Variants in SNX24 observed in about 807,000 individuals in gnomAD.
SNX24 encodes sorting nexin-24.
Under a neutral mutation model 28.7 loss-of-function variants are expected in SNX24, and 22 were observed. That is an observed-to-expected ratio of 0.77 (90% CI 0.55 to 1.10). SNX24 has a LOEUF of 1.10. Among genes scored for constraint, SNX24 ranks in the 50% least tolerant of loss-of-function variants. The probability of loss-of-function intolerance (pLI) is 0.00; values close to 1 mark genes in which losing one functional copy is unlikely to be tolerated. For synonymous variants in SNX24, 69 were observed against 71.5 expected (o/e 0.96, Z 0.18); for missense variants, 221 against 201.1 (o/e 1.10, Z -0.60).
At chr5:122,930,939 G>A (rs771498723) in intron 1 of SNX24, among the ~76,000 whole-genome samples, 4 of 152,042 alleles carry the variant, frequency 2.6e-5, no homozygotes, top group South Asian at 2.1e-4. Context: ...GAATCATGTC[G>A]TTTTGTTAAA....
At chr5:122,866,567 C>G (rs1389884151) in intron 1 of SNX24, among the ~76,000 whole-genome samples, 2 of 152,198 alleles carry the variant, frequency 1.3e-5, no homozygotes, top group Non-Finnish European at 2.9e-5. Flanking sequence ...CCTGAAGGGT[C>G]TGGGCTATTA....
chr5:122,951,104 A>G (rs895926646), intron 3 of SNX24, among the ~76,000 whole-genome samples: 14 of 151,850 alleles, frequency 9.2e-5, no homozygotes, highest in Non-Finnish European at 1.6e-4. Flanking sequence ...CATCTCTACT[A>G]AAAATACAAA....
intron 1 of SNX24, among the ~76,000 whole-genome samples, chr5:122,845,939 G>T (rs570710596): frequency 2.0e-5 from 3 of 152,204 alleles, no homozygotes; most frequent in African/African-American, 7.2e-5. Flanking sequence ...CGGACGAGCT[G>T]CAGTCCTCGG....
At chr5:122,926,468 G>A (rs1758698741) in intron 1 of SNX24, among the ~76,000 whole-genome samples, 2 of 152,206 alleles carry the variant, frequency 1.3e-5, no homozygotes, top group Admixed American at 1.3e-4. Flanking sequence ...AGACACTTCA[G>A]ATTTACACAT....
chr5:122,930,794 C>T (rs1758919731), intron 1 of SNX24, among the ~76,000 whole-genome samples: 1 of 149,580 alleles, frequency 6.7e-6, no homozygotes, highest in East Asian at 1.9e-4. Context: ...CATATCAATA[C>T]ACACACACAT....
intron 1 of SNX24, among the ~76,000 whole-genome samples, chr5:122,924,919 G>A (rs921997594): frequency 2.6e-5 from 4 of 151,840 alleles, no homozygotes; most frequent in Non-Finnish European, 4.4e-5. Flanking sequence ...TTATTAAGAC[G>A]GGTAGTTTCT....
At chr5:123,002,119 G>T (rs1196151911) in intron 6 of SNX24, 115 bp downstream of exon 6, 3 of 828,020 alleles carry the variant, frequency 3.6e-6, no homozygotes, top group Non-Finnish European at 6.3e-6. Context: ...TTAATAATCT[G>T]CCAATAAACC....
intron 3 of SNX24, among the ~76,000 whole-genome samples, chr5:122,997,876 T>G (rs1219774320): frequency 6.5e-5 from 3 of 46,140 alleles, no homozygotes; most frequent in Non-Finnish European, 1.8e-4. Flanking sequence ...CTGCATGTGT[T>G]ACAAATTAGG....
chr5:122,952,802 C>G (rs1418295987), intron 3 of SNX24, among the ~76,000 whole-genome samples: 1 of 152,172 alleles, frequency 6.6e-6, no homozygotes, highest in Non-Finnish European at 1.5e-5. Flanking sequence ...CATGAGAGTT[C>G]TTAGAATTAA....
At chr5:122,867,416 G>A (rs1755770872) in intron 1 of SNX24, among the ~76,000 whole-genome samples, 1 of 152,156 alleles carries the variant, frequency 6.6e-6, no homozygotes, top group South Asian at 2.1e-4. Flanking sequence ...TTTCATGATG[G>A]AAGCAATCCA....
At chr5:122,946,647 C>T (rs765573689) in intron 3 of SNX24, among the ~76,000 whole-genome samples, 5 of 152,032 alleles carry the variant, frequency 3.3e-5, no homozygotes, top group African/African-American at 9.7e-5. Context: ...TTTGAAAATT[C>T]GAATGTCAAT....
At chr5:122,849,844 G>T (rs1281832432) in intron 1 of SNX24, among the ~76,000 whole-genome samples, 1 of 152,204 alleles carries the variant, frequency 6.6e-6, no homozygotes, top group East Asian at 1.9e-4. Flanking sequence ...GTACATGTCT[G>T]TTGAATGAAT....
chr5:122,944,781 T>C (rs1032647711), intron 2 of SNX24, among the ~76,000 whole-genome samples: 3 of 152,212 alleles, frequency 2.0e-5, no homozygotes, highest in African/African-American at 7.2e-5. Context: ...AATATACTCT[T>C]ACATATGGAA....
At chr5:122,914,958 G>A (rs1280127569) in intron 1 of SNX24, among the ~76,000 whole-genome samples, 1 of 152,098 alleles carries the variant, frequency 6.6e-6, no homozygotes, top group Non-Finnish European at 1.5e-5. Context: ...TTTTCCTTAG[G>A]TCCAGTTGAG....
At chr5:122,913,398 C>CA (rs1757990766) in intron 1 of SNX24, among the ~76,000 whole-genome samples, 1 of 150,882 alleles carries the variant, frequency 6.6e-6, no homozygotes. Context: ...GGGTGGCTGA[C>CA]CCCCCACCTC....
intron 1 of SNX24, among the ~76,000 whole-genome samples, chr5:122,925,652 T>C (rs1038529910): frequency 6.6e-6 from 1 of 152,192 alleles, no homozygotes; most frequent in African/African-American, 2.4e-5. Flanking sequence ...CCCTATCTTA[T>C]ATTGCACAGT....
intron 3 of SNX24, among the ~76,000 whole-genome samples, chr5:122,978,817 G>T (rs1213123603): frequency 6.6e-6 from 1 of 152,188 alleles, no homozygotes; most frequent in Admixed American, 6.5e-5. Context: ...ATAAGGCAGA[G>T]CTGAGAAAGA....
intron 3 of SNX24, among the ~76,000 whole-genome samples, chr5:122,997,228 C>G (rs1762079378): frequency 6.6e-6 from 1 of 152,180 alleles, no homozygotes; most frequent in Non-Finnish European, 1.5e-5. Flanking sequence ...AATATTCCTG[C>G]CCACATAACT....
chr5:123,009,012 C>T lies in SNX24; in HGVS notation c.*1263C>T, dbSNP rs926142161. 5 of 985,464 alleles carry T rather than the reference C, an allele frequency of 5.1e-6. No homozygotes were observed. The African/African-American group carries it at 8.7e-5, about 17-fold the overall frequency. 61.0% of individuals were successfully genotyped at this position (985,464 alleles called of 1,614,324 possible). A position where few individuals can be genotyped will look rare whatever the true frequency, so the allele number is the denominator to read the frequency against. On this transcript the variant is annotated 3_prime_UTR_variant, in exon 7 of 7. Transcript: ENST00000261369. ...CTACATCATGGTTTTTGATTAGGAT[C>T]TAAATATTCAGGTTTTAAGCCTGCT...
Sources: allele counts gnomAD v4.1 joint callset (sites outside exome capture counted in the v4.1 genomes callset), GRCh38; gene constraint gnomAD v4.1.1; transcripts MANE v1.5; gene names NCBI Gene and HGNC (gene_info 2026-07-23, HGNC 2026-07-21).